The following ECI2 variants were observed in gnomAD, a reference collection of about 807,000 sequenced individuals.
ECI2 encodes D3,D2-enoyl-CoA isomerase.
A neutral mutation model predicts 38.4 loss-of-function variants in ECI2; 27 were observed. The ratio of observed to expected loss-of-function variants is 0.70; its 90% CI spans 0.52 to 0.97. ECI2 has a LOEUF of 0.97. Among genes scored for constraint, ECI2 ranks in the 50% least tolerant of loss-of-function variants. The pLI, the probability that ECI2 is intolerant of heterozygous loss-of-function variation, is 0.00. For missense variants in ECI2, 470 were observed against 474.4 expected (o/e 0.99, Z 0.09); for synonymous variants, 168 against 172.0 (o/e 0.98, Z 0.18).
chr6:4,131,936 A>G (rs542437395), intron 2 of ECI2, among the ~76,000 whole-genome samples: 27 of 152,226 alleles, frequency 1.8e-4, no homozygotes, highest in Admixed American at 1.6e-3. Flanking sequence ...TTAGACAGAG[A>G]TAGTGTCATC....
At chr6:4,125,206 T>C (rs756881420) in intron 7 of ECI2, 44 bp downstream of exon 7, 24 of 1,607,048 alleles carry the variant, frequency 1.5e-5, no homozygotes, top group Non-Finnish European at 2.0e-5. Context: ...GGCTCTCATC[T>C]CGCGCTGCTT....
intron 7 of ECI2, 44 bp from the exon 8 acceptor site, chr6:4,119,319 ATTTT>A (rs34320283): frequency 2.1e-3 from 2,475 of 1,167,214 alleles, no homozygotes; most frequent in East Asian, 2.7e-3. Context: ...TTCATGTGTG[ATTTT>A]TTTTTTTTTT....
Position 4,117,398 on chromosome 6 carries a change from A to T in ECI2, c.939T>A (p.Ala313=), listed in dbSNP as rs771936826. The change falls in exon 9 of 10, where the codon GCT becomes GCA. Residue 313 remains alanine, a synonymous_variant. Coordinates refer to ENST00000380118, the MANE Select transcript of ECI2 (RefSeq NM_206836.3). ...GKKLTAGEAC[A]QGLVTEVFPD... ...GGAAAACTTCAGTAACAAGTCCTTG[A>T]GCACATGCCTCTCCCGCTGTTAACT... 10 of 1,614,068 alleles carry T rather than the reference A, an allele frequency of 6.2e-6. No homozygotes were observed. The highest frequency in any genetic ancestry group is 3.4e-6 in the Non-Finnish European group (4 of 1,180,014).
At chr6:4,129,689 A>C (rs1028223761) in intron 4 of ECI2, among the ~76,000 whole-genome samples, 1 of 152,188 alleles carries the variant, frequency 6.6e-6, no homozygotes, top group Admixed American at 6.5e-5. Flanking sequence ...CTACTTCATG[A>C]AATTCTGAAG....
rs544393736 is a variant in ECI2, at chr6:4,127,774, T to A, written c.559A>T (p.Thr187Ser). 6.2e-7 allele frequency: 1 copy of A among 1,613,248 alleles called. No individual in the cohort carries two copies. Among genetic ancestry groups the A allele is most frequent in the South Asian group, 1.1e-5 (1 of 90,906 alleles). Residue 187 changes from threonine (T) to serine (S), a missense_variant, in exon 5 of 10, where the codon ACT becomes TCT. Coordinates refer to ENST00000380118, the MANE Select transcript of ECI2 (RefSeq NM_206836.3). ...GAAAATGTCTTACCTGTTAAAACAG[T>A]GATGATTGAGTCATCCTTGCTGGCA... Reference protein sequence around the residue: ...KAASKDDSIITVLTGNGDYYS... With the variant: ...KAASKDDSIISVLTGNGDYYS...
rs561403724 is a variant in ECI2 at position 4,127,794 on chromosome 6, C to A, written c.539G>T (p.Ser180Ile). The change falls in exon 5 of 10, where the codon AGC (serine) becomes ATC (isoleucine). Residue 180 changes from serine (S) to isoleucine (I), a missense_variant. Ser to Ile is a moderately radical substitution (Grantham distance 142). Coordinates refer to ENST00000380118, the MANE Select transcript of ECI2 (RefSeq NM_206836.3). ...AACAGTGATGATTGAGTCATCCTTGCTGGCAGCTTTAAGTGCACGCATAAT... is the reference window on the plus strand; with the variant it reads ...AACAGTGATGATTGAGTCATCCTTGATGGCAGCTTTAAGTGCACGCATAAT... ...HEIMRALKAA[S>I]KDDSIITVLT... 1.2e-5 allele frequency: 20 copies of A among 1,613,240 alleles called. No individual in the cohort carries two copies. The South Asian group carries it at 2.0e-4, about 16-fold the overall frequency.
In ECI2 at chr6:4,117,295, G is replaced by A; in HGVS notation, c.1029+13C>T. 1 of 1,580,066 alleles carries A rather than the reference G, an allele frequency of 6.3e-7. No individual in the cohort carries two copies. On this transcript the variant is annotated intron_variant, in intron 9 of 9. Transcript: ENST00000380118. ...ATTTTCAAGGTTCTTAGAAGTAAAA[G>A]ATGAATACTAACATTTGGGGGAAGC...
chr6:4,127,817 A>T lies in ECI2; in HGVS notation c.516T>A (p.Ile172=). Residue 172 remains isoleucine (I), a synonymous_variant, in exon 5 of 10, where the codon ATT becomes ATA. Transcript: ENST00000380118. ...TGCTGGCAGCTTTAAGTGCACGCAT[A>T]ATTTCATGATACATCTGTGTAATGG... The part of the protein sequence containing the change: ...NAINTEMYHE[I]MRALKAASKD... 1 of 1,613,182 alleles carries T rather than the reference A, an allele frequency of 6.2e-7. No individual in the cohort carries two copies. The highest frequency in any genetic ancestry group is 2.2e-5 in the East Asian group (1 of 44,846).
At chr6:4,124,179 G>T (rs1772993746) in intron 7 of ECI2, among the ~76,000 whole-genome samples, 1 of 152,148 alleles carries the variant, frequency 6.6e-6, no homozygotes, top group Non-Finnish European at 1.5e-5. Flanking sequence ...ATTGATTTCT[G>T]CCTTTGAACA....
At position 4,134,414 on chromosome 6, in the gene ECI2, C is replaced by T. The variant is rs191592979; in HGVS notation, c.51-703G>A. Among the ~76,000 whole-genome samples, 3 of 152,240 alleles carry T rather than the reference C, an allele frequency of 2.0e-5. No homozygotes were observed. The East Asian group carries it at 5.8e-4, about 29-fold the overall frequency. ...GGAACAGAGCAGAAACAGCAACCACCGCGGGGGTGATCAGCACGTTTTTAA... is the reference window on the plus strand; with the variant it reads ...GGAACAGAGCAGAAACAGCAACCACTGCGGGGGTGATCAGCACGTTTTTAA... On this transcript the variant is annotated intron_variant, in intron 1 of 9. Transcript: ENST00000380118.
chr6:4,115,874 T>A lies in ECI2; in HGVS notation c.1185A>T (p.Ter395CysextTer1). The change falls in exon 10 of 10, where the codon TGA (stop) becomes TGT (cysteine). Residue 395 changes from the stop codon to cysteine, a stop_lost. Coordinates refer to ENST00000380118, the MANE Select transcript of ECI2 (RefSeq NM_206836.3). ...VNFLSRKSKL[*>C] The stretch of plus-strand genomic sequence containing the variant: ...ATGCTTTACTCTGCTGTAGTGGTCA[T>A]CACAGTTTTGATTTTCTGGATAAGA... 6.2e-7 allele frequency: 1 copy of A among 1,611,266 alleles called. No individual in the cohort carries two copies. The highest frequency in any genetic ancestry group is 8.5e-7 in the Non-Finnish European group (1 of 1,178,640).
chr6:4,123,644 C>A (rs2113983080), intron 7 of ECI2, among the ~76,000 whole-genome samples: 1 of 151,492 alleles, frequency 6.6e-6, no homozygotes, highest in African/African-American at 2.4e-5. Context: ...CAATTTATAT[C>A]ATAAGATGGA....
In ECI2 at chr6:4,126,218, A is replaced by C. The variant is rs781346571; in HGVS notation, c.591T>G (p.Ser197Arg). The C allele has an allele frequency of 6.2e-7, 1 of 1,612,478 alleles. No homozygotes were observed. The highest frequency in any genetic ancestry group is 1.3e-5 in the African/African-American group (1 of 74,834). ...TGAAGTTAGTCAGATCATTCCCACTACTGTAATAGTCACCATTTCCTATAA... is the reference window on the plus strand; with the variant it reads ...TGAAGTTAGTCAGATCATTCCCACTCCTGTAATAGTCACCATTTCCTATAA... The part of the protein sequence containing the change: ...TVLTGNGDYY[S>R]SGNDLTNFTD... The change falls in exon 6 of 10, where the codon AGT becomes AGG. Residue 197 changes from serine (S) to arginine (R), a missense_variant. Transcript: ENST00000380118.
chr6:4,118,889 C>T lies in ECI2; in HGVS notation c.885+297G>A, dbSNP rs547925269. 2.5e-5 allele frequency: 6 copies of T among 243,080 alleles called. No homozygotes were observed. The South Asian group carries it at 4.3e-4, about 17-fold the overall frequency. 15.1% of individuals were successfully genotyped at this position (243,080 alleles called of 1,614,324 possible). A position where few individuals can be genotyped will look rare whatever the true frequency, so the allele number is the denominator to read the frequency against. On this transcript the variant is annotated intron_variant, in intron 8 of 9. Transcript: ENST00000380118. Reference sequence around the variant, plus strand: ...GGTCCTTCAAGTGACTAATGCCACACAGCTGCAAGGCTGAGGTGCTGTGCT... The same window carrying T: ...GGTCCTTCAAGTGACTAATGCCACATAGCTGCAAGGCTGAGGTGCTGTGCT...
Position 4,126,178 on chromosome 6 carries a change from C to T in ECI2, c.631G>A (p.Gly211Ser), listed in dbSNP as rs949676973. 5 of 1,613,830 alleles carry T rather than the reference C, an allele frequency of 3.1e-6. No individual in the cohort carries two copies. In the African/African-American group the frequency reaches 6.7e-5, roughly 22 times the overall value. ...TTTTTAGCTTTCTCCTCTACTCCAC[C>T]AGGGGGAATATCAGTGAAGTTAGTC... ...DLTNFTDIPPGGVEEKAKNNA... is the reference protein window; with the variant it reads ...DLTNFTDIPPSGVEEKAKNNA... The change falls in exon 6 of 10, where the codon GGT (glycine) becomes AGT (serine). Residue 211 changes from glycine (G) to serine (S), a missense_variant. Gly to Ser is a moderately conservative substitution (Grantham distance 56, BLOSUM62 0). Transcript: ENST00000380118.
Position 4,117,343 on chromosome 6 carries a change from T to G in ECI2, c.994A>C (p.Thr332Pro). Reference sequence around the variant, plus strand: ...AGCTTTGCAAATGCCTTCAGCCTGGTCCAGACTTCTTTCTGAAAAGTGCTA... The same window carrying G: ...AGCTTTGCAAATGCCTTCAGCCTGGGCCAGACTTCTTTCTGAAAAGTGCTA... The part of the protein sequence containing the change: ...PDSTFQKEVW[T>P]RLKAFAKLPP... Residue 332 changes from threonine to proline, a missense_variant, in exon 9 of 10, where the codon ACC becomes CCC. Coordinates refer to ENST00000380118, the MANE Select transcript of ECI2 (RefSeq NM_206836.3). 2 of 1,613,924 alleles carry G rather than the reference T, an allele frequency of 1.2e-6. No individual in the cohort carries two copies. Among genetic ancestry groups the G allele is most frequent in the South Asian group, 2.2e-5 (2 of 91,000 alleles).
chr6:4,120,729 A>C (rs1043859759), intron 7 of ECI2, among the ~76,000 whole-genome samples: 39 of 152,230 alleles, frequency 2.6e-4, no homozygotes, highest in African/African-American at 9.4e-4. Context: ...AAAAAAAAGA[A>C]AAGGTATAGT....
Position 4,133,532 on chromosome 6 carries a change from C to G in ECI2, c.213+17G>C, listed in dbSNP as rs853421. On this transcript the variant is annotated intron_variant, in intron 2 of 9. Transcript: ENST00000380118. The stretch of plus-strand genomic sequence containing the variant: ...TGCCCAAAATTCTTTAAATAACGTT[C>G]GACCGTAGGCATTTACCTGCTTATA... The G allele has an allele frequency of 0.1, 163,133 of 1,581,408 alleles. 10,062 individuals are homozygous for G. Among genetic ancestry groups the G allele is most frequent in the African/African-American group, 0.24 (17,831 of 73,384 alleles).
At chr6:4,122,181 C>T (rs189163958) in intron 7 of ECI2, 12 of 445,926 alleles carry the variant, frequency 2.7e-5, no homozygotes, top group Admixed American at 8.5e-5. Flanking sequence ...CCTCTCTGTA[C>T]CACAGTTTTC....
Sources: allele counts gnomAD v4.1 joint callset (sites outside exome capture counted in the v4.1 genomes callset), GRCh38; gene constraint gnomAD v4.1.1; transcripts MANE v1.5; gene names NCBI Gene and HGNC (gene_info 2026-07-23, HGNC 2026-07-21).